The following WNT2B variants were observed in gnomAD, a reference collection of about 807,000 sequenced individuals.
WNT2B encodes protein Wnt-2b.
In WNT2B, 19 loss-of-function variants were observed where a neutral mutation model predicts 40.5. The ratio of observed to expected loss-of-function variants is 0.47; its 90% CI spans 0.33 to 0.69. The LOEUF is 0.69. Among genes scored for constraint, WNT2B ranks in the 30% least tolerant of loss-of-function variants. The pLI, the probability that WNT2B is intolerant of heterozygous loss-of-function variation, is 0.02. For missense variants in WNT2B, 467 were observed against 556.4 expected, an observed-to-expected ratio of 0.84 and a Z score of 1.62; for synonymous variants, 220 against 211.9, an observed-to-expected ratio of 1.04 and a Z score of -0.33.
intron 1 of WNT2B, among the ~76,000 whole-genome samples, chr1:112,479,082 G>A (rs530937587): frequency 8.5e-5 from 13 of 152,052 alleles, no homozygotes; most frequent in East Asian, 5.8e-4. Context: ...TTAGCTGGGC[G>A]TAGTGGTACA....
At chr1:112,505,315 CCCACAGACGGTTTTATTATATTT>C (rs1405088307), upstream of WNT2B, among the ~76,000 whole-genome samples, 1 of 152,214 alleles carries the variant, frequency 6.6e-6, no homozygotes, top group Non-Finnish European at 1.5e-5. Context: ...TAGTGTGCCA[CCCACAGACGGTTTTATTATATTT>C]CCATGAAAAT....
chr1:112,530,163 G>A lies in WNT2B; in HGVS notation c.*9654G>A, dbSNP rs577288312. The A allele has an allele frequency of 3.9e-5, 6 of 152,258 alleles. No homozygotes were observed. The East Asian group carries it at 9.6e-4, about 24-fold the overall frequency. The allele number at this position is 152,258 out of a possible 1,614,324, so 9.4% of individuals were successfully genotyped here. A position where few individuals can be genotyped will look rare whatever the true frequency, so the allele number is the denominator to read the frequency against. ...TACCAATAAAGTAAATTCCAAAGCC[G>A]AATCCCCAGTTTTCTGCCTCCAAGT... On this transcript the variant is annotated 3_prime_UTR_variant, in exon 5 of 5. Coordinates refer to ENST00000369684, the MANE Select transcript of WNT2B (RefSeq NM_024494.3).
chr1:112,498,014 C>T (rs1651831324), intron 1 of WNT2B, among the ~76,000 whole-genome samples: 1 of 151,822 alleles, frequency 6.6e-6, no homozygotes, highest in Non-Finnish European at 1.5e-5. Context: ...GTCAACCCGT[C>T]GTCATCTAGA....
intron 1 of WNT2B, among the ~76,000 whole-genome samples, chr1:112,474,664 T>A (rs1188873792): frequency 6.6e-6 from 1 of 152,192 alleles, no homozygotes; most frequent in Non-Finnish European, 1.5e-5. Context: ...TTTTAAAATG[T>A]GAAACACCGT....
chr1:112,502,992 C>G (rs762590006), intron 1 of WNT2B, among the ~76,000 whole-genome samples: 38 of 152,312 alleles, frequency 2.5e-4, no homozygotes, highest in South Asian at 1.2e-3. Flanking sequence ...CTCACACACA[C>G]ACCATTGCTC....
rs72699055 is a variant in WNT2B, at chr1:112,527,357, A to G, written c.*6848A>G. 6.7e-3 allele frequency: 1,018 copies of G among 152,710 alleles called. 5 individuals carry two copies. Among genetic ancestry groups the G allele is most frequent in the Non-Finnish European group, 0.011 (748 of 68,092 alleles). The allele number at this position is 152,710 out of a possible 1,614,324, so 9.5% of individuals were successfully genotyped here. A position where few individuals can be genotyped will look rare whatever the true frequency, so the allele number is the denominator to read the frequency against. On this transcript the variant is annotated 3_prime_UTR_variant, in exon 5 of 5. Coordinates refer to ENST00000369684, the MANE Select transcript of WNT2B (RefSeq NM_024494.3). Reference sequence around the variant, plus strand: ...CAAGGCAGACTTTATTTTTTGGTCCATCGATCTTGGCTCTCACTGTTCTCC... The same window carrying G: ...CAAGGCAGACTTTATTTTTTGGTCCGTCGATCTTGGCTCTCACTGTTCTCC...
chr1:112,471,285 G>A lies in WNT2B; in HGVS notation c.-95+3694G>A, dbSNP rs114214098. 7.6e-3 allele frequency among the ~76,000 whole-genome samples: 1,151 copies of A among 152,290 alleles called. 12 individuals carry two copies. Among genetic ancestry groups the A allele is most frequent in the African/African-American group, 0.026 (1,084 of 41,548 alleles). On this transcript the variant is annotated intron_variant, in intron 1 of 4. Coordinates refer to the WNT2B transcript ENST00000256640. ...CCCACACTAGTCTCAGAGTTTGTATGGGTAGAGGAGCTCTCTCATGGTTAG... is the reference window on the plus strand; with the variant it reads ...CCCACACTAGTCTCAGAGTTTGTATAGGTAGAGGAGCTCTCTCATGGTTAG...
At chr1:112,489,055 G>A (rs938505042) in intron 1 of WNT2B, among the ~76,000 whole-genome samples, 1 of 152,070 alleles carries the variant, frequency 6.6e-6, no homozygotes, top group Admixed American at 6.5e-5. Flanking sequence ...ACTCTTAAAG[G>A]TCAGGTATGA....
chr1:112,483,215 CACACACATAT>C (rs1187048070), intron 1 of WNT2B, among the ~76,000 whole-genome samples: 17 of 64,184 alleles, frequency 2.6e-4, no homozygotes, highest in Non-Finnish European at 3.7e-4. Flanking sequence ...CACACACACA[CACACACATAT>C]ACACACACAC....
At chr1:112,471,933 G>A (rs1265116462) in intron 1 of WNT2B, among the ~76,000 whole-genome samples, 1 of 152,154 alleles carries the variant, frequency 6.6e-6, no homozygotes. Flanking sequence ...AATTATAAAT[G>A]CAGCATACAT....
chr1:112,508,718 G>A (rs924917347), upstream of WNT2B: 15 of 985,776 alleles, frequency 1.5e-5, no homozygotes, highest in Non-Finnish European at 1.4e-5. This position sits in a 1 kb window ranked among gnomAD's most constrained non-coding sequence, Gnocchi z 4.2. Flanking sequence ...GCGCGGTGTC[G>A]GCAGGGACTG....
chr1:112,470,145 AT>A (rs1347871152), intron 1 of WNT2B, among the ~76,000 whole-genome samples: 1 of 152,082 alleles, frequency 6.6e-6, no homozygotes, highest in African/African-American at 2.4e-5. Flanking sequence ...TCTTTTTAGC[AT>A]TTCTTGTAGG....
At chr1:112,503,086 A>G (rs1005682561) in intron 1 of WNT2B, among the ~76,000 whole-genome samples, 2 of 152,164 alleles carry the variant, frequency 1.3e-5, no homozygotes, top group African/African-American at 4.8e-5. Context: ...TATCCCAGAC[A>G]TGGCCCCAGA....
intron 1 of WNT2B, among the ~76,000 whole-genome samples, chr1:112,471,023 T>C (rs1650866166): frequency 1.3e-5 from 2 of 152,082 alleles, no homozygotes; most frequent in Admixed American, 1.3e-4. Context: ...CTGTGCACAT[T>C]TGGGTCCAGC....
Position 112,526,194 on chromosome 1 carries a change from A to G in WNT2B, c.*5685A>G. The G allele has an allele frequency of 6.3e-7, 1 of 1,585,478 alleles. No individual in the cohort carries two copies. The highest frequency in any genetic ancestry group is 1.7e-5 in the Admixed American group (1 of 57,848). ...AAGAGAGTATATCTGAGCACAGTTT[A>G]CAAAGGAACAGCCTAGGCCCTCCTG... On this transcript the variant is annotated 3_prime_UTR_variant, in exon 5 of 5. Coordinates refer to ENST00000369684, the MANE Select transcript of WNT2B (RefSeq NM_024494.3).
chr1:112,518,916 C>T (rs1652711017), intron 4 of WNT2B, among the ~76,000 whole-genome samples: 1 of 152,220 alleles, frequency 6.6e-6, no homozygotes, highest in Non-Finnish European at 1.5e-5. Context: ...ACAGTAGCAA[C>T]TAGCCACATG....
In WNT2B at chr1:112,529,684, A is replaced by T. The variant is rs1009557293; in HGVS notation, c.*9175A>T. On this transcript the variant is annotated 3_prime_UTR_variant, in exon 5 of 5. Transcript: ENST00000369684. Reference sequence around the variant, plus strand: ...ATTGCTCAAAATGCAATTTTAAAAAATTCAATATGGAACTTGAGGCCAAAA... The same window carrying T: ...ATTGCTCAAAATGCAATTTTAAAAATTTCAATATGGAACTTGAGGCCAAAA... The T allele has an allele frequency of 6.6e-5, 10 of 151,948 alleles. No homozygotes were observed. The highest frequency in any genetic ancestry group is 2.4e-4 in the African/African-American group (10 of 41,388). The allele number at this position is 151,948 out of a possible 1,614,324, so 9.4% of individuals were successfully genotyped here.
At chr1:112,500,725 C>T (rs1040374211) in intron 1 of WNT2B, among the ~76,000 whole-genome samples, 2 of 152,082 alleles carry the variant, frequency 1.3e-5, no homozygotes, top group Non-Finnish European at 2.9e-5. Flanking sequence ...ATGATCGTGC[C>T]ACTACACTCC....
chr1:112,512,633 T>TCAGG (rs1652396703), intron 1 of WNT2B, among the ~76,000 whole-genome samples: 1 of 151,862 alleles, frequency 6.6e-6, no homozygotes, highest in African/African-American at 2.4e-5. Context: ...AAAGCTAGAG[T>TCAGG]CAGGGCATCT....
Sources: allele counts gnomAD v4.1 joint callset (sites outside exome capture counted in the v4.1 genomes callset), GRCh38; gene constraint gnomAD v4.1.1; non-coding constraint Gnocchi (gnomAD v3.1); transcripts MANE v1.5; gene names NCBI Gene and HGNC (gene_info 2026-07-23, HGNC 2026-07-21).